MATR3: variants seen among roughly 807,000 people sequenced by gnomAD.
MATR3 encodes the protein matrin-3.
Under a neutral mutation model 85.5 loss-of-function variants are expected in MATR3, and 4 were observed. The ratio of observed to expected loss-of-function variants is 0.05; its 90% confidence interval spans 0.02 to 0.11. The LOEUF is 0.11. MATR3 is among the 10% of genes least tolerant of loss of function. The pLI, the probability that MATR3 is intolerant of heterozygous loss-of-function variation, is 1.00. For missense variants in MATR3, 685 were observed against 1,016.1 expected, an observed-to-expected ratio of 0.67 and a Z score of 4.43; for synonymous variants, 336 against 343.1, an observed-to-expected ratio of 0.98 and a Z score of 0.23.
At chr5:139,306,728 A>G (rs368992968) in intron 1 of MATR3, among the ~76,000 whole-genome samples, 2 of 152,198 alleles carry the variant, frequency 1.3e-5, no homozygotes, top group South Asian at 2.1e-4. Context: ...TTGGTCTTAT[A>G]TCTTACATTA....
chr5:139,294,064 A>G (rs1002611271), intron 1 of MATR3: 17 of 1,255,798 alleles, frequency 1.4e-5, no homozygotes, highest in Non-Finnish European at 1.6e-5. Context: ...CGGCCGGCCA[A>G]GGGCCCAGGG....
intron 1 of MATR3, among the ~76,000 whole-genome samples, chr5:139,302,209 C>G (rs552807462): frequency 6.6e-6 from 1 of 152,050 alleles, no homozygotes; most frequent in Non-Finnish European, 1.5e-5. Context: ...GTAATCTGCC[C>G]GCCTCGGCCT....
At chr5:139,315,592 T>C (rs1271349516) in intron 3 of MATR3, 105 bp from the exon 4 acceptor site, 7 of 763,234 alleles carry the variant, frequency 9.2e-6, no homozygotes, top group Non-Finnish European at 1.7e-5. Flanking sequence ...ACTTAGACTC[T>C]CAGATAACTT....
At chr5:139,310,586 T>A (rs1754918783) in intron 2 of MATR3, 1 of 152,168 alleles carries the variant, frequency 6.6e-6, no homozygotes, top group Non-Finnish European at 1.5e-5. Context: ...TCTCTGGTAT[T>A]GCTGCATAAC....
intron 3 of MATR3, among the ~76,000 whole-genome samples, chr5:139,288,311 C>T (rs1753771533): frequency 6.6e-6 from 1 of 152,202 alleles, no homozygotes; most frequent in African/African-American, 2.4e-5. Context: ...TTGAATCTCC[C>T]ACATCATCAC....
rs747456128 is a variant in MATR3 at position 139,325,529 on chromosome 5, A to G, written c.2238A>G (p.Glu746=). The part of the protein sequence containing the change: ...KNEENTEPGA[E]SSENADDPNK... ...AGGAAAACACAGAACCAGGTGCTGA[A>G]TCTTCTGAGAACGCTGATGATCCCA... The change falls in exon 13 of 15, where the codon GAA becomes GAG. Residue 746 remains glutamate, a synonymous_variant. Transcript: ENST00000394805. 7.4e-6 allele frequency: 12 copies of G among 1,614,120 alleles called. No homozygotes were observed. The highest frequency in any genetic ancestry group is 8.5e-6 in the Non-Finnish European group (10 of 1,180,040).
chr5:139,296,477 C>A (rs1331518975), intron 1 of MATR3, among the ~76,000 whole-genome samples: 2 of 152,134 alleles, frequency 1.3e-5, no homozygotes, highest in East Asian at 3.8e-4. Flanking sequence ...CGAGAAATAA[C>A]ATCAACTTTT....
chr5:139,324,374 A>C (rs749180038), intron 12 of MATR3, among the ~76,000 whole-genome samples: 2 of 149,362 alleles, frequency 1.3e-5, no homozygotes, highest in African/African-American at 4.9e-5. Flanking sequence ...GCTAACTGCA[A>C]CCTCCACCTC....
intron 3 of MATR3, among the ~76,000 whole-genome samples, chr5:139,288,324 A>T (rs1484740148): frequency 6.6e-6 from 1 of 152,138 alleles, no homozygotes; most frequent in Non-Finnish European, 1.5e-5. Flanking sequence ...ATCATCACTA[A>T]GTTCCTCAAT....
At chr5:139,326,864 ATTG>A (rs1234963180) in intron 14 of MATR3, among the ~76,000 whole-genome samples, 1 of 152,222 alleles carries the variant, frequency 6.6e-6, no homozygotes. Flanking sequence ...GTATTCTCAG[ATTG>A]TTGTTGGGCT....
chr5:139,321,900 T>C lies in MATR3; in HGVS notation c.1605T>C (p.Ala535=). The C allele has an allele frequency of 6.2e-7, 1 of 1,613,364 alleles. No homozygotes were observed. Among genetic ancestry groups the C allele is most frequent in the Non-Finnish European group, 8.5e-7 (1 of 1,179,916 alleles). ...GGTTTCTTTTCTTTCTTTTTAAGGC[T>C]TTTATTGAGATGGAGACAAGAGAAG... is the stretch of plus-strand genomic sequence containing the variant. ...NYILMRMKSQ[A]FIEMETREDA... is the part of the protein sequence containing the mutation. The change falls in exon 10 of 15, where the codon GCT becomes GCC. Residue 535 remains alanine (A), a splice_region_variant and synonymous_variant. Coordinates refer to ENST00000394805, the MANE Select transcript of MATR3 (RefSeq NM_018834.6).
At chr5:139,322,547 C>G (rs1412641068) in intron 11 of MATR3, 41 bp downstream of exon 11, 7 of 1,567,508 alleles carry the variant, frequency 4.5e-6, no homozygotes, top group Non-Finnish European at 6.1e-6. Context: ...GTATATTCAA[C>G]TTTACTTTTT....
chr5:139,276,077 C>G, intron 1 of MATR3: 1 of 456,766 alleles, frequency 2.2e-6, no homozygotes, highest in Non-Finnish European at 4.4e-6. Flanking sequence ...GAGCTGCACA[C>G]GTGTTCACTG....
chr5:139,323,070 C>A, intron 12 of MATR3, 103 bp downstream of exon 12: 1 of 1,166,650 alleles, frequency 8.6e-7, no homozygotes, highest in Non-Finnish European at 1.2e-6. Context: ...TGATTTAAAT[C>A]AGAAAATAAA....
chr5:139,326,003 G>A (rs2152023781), intron 13 of MATR3, among the ~76,000 whole-genome samples, 160 bp from the exon 14 acceptor site: 1 of 152,150 alleles, frequency 6.6e-6, no homozygotes, highest in East Asian at 1.9e-4. Flanking sequence ...ACATCAATTA[G>A]GTAAAAGCAA....
At position 139,279,130 on chromosome 5, in the gene MATR3, G is replaced by A. The variant is rs747619505; in HGVS notation, c.-178+1G>A. On this transcript the variant is annotated splice_donor_variant, in intron 3 of 16. Coordinates refer to ENST00000509990, the Ensembl canonical transcript of MATR3. LOFTEE classifies it low-confidence loss of function (5UTR_SPLICE). ...CCTGTGTGACACCAAGATAAGTAAC[G>A]TATGTAGTCTTCTTGTCATGTAGGT... 7 of 454,308 alleles carry A rather than the reference G, an allele frequency of 1.5e-5. No homozygotes were observed. Among genetic ancestry groups the A allele is most frequent in the Non-Finnish European group, 2.6e-5 (6 of 226,848 alleles). 28.1% of individuals were successfully genotyped at this position (454,308 alleles called of 1,614,324 possible).
intron 1 of MATR3, among the ~76,000 whole-genome samples, chr5:139,302,770 C>G (rs1252162896): frequency 6.6e-6 from 1 of 152,150 alleles, no homozygotes; most frequent in Non-Finnish European, 1.5e-5. Context: ...TTGTTGATTG[C>G]TACCTAAAAC....
At chr5:139,302,074 CTTT>C (rs532725180) in intron 1 of MATR3, among the ~76,000 whole-genome samples, 2 of 152,276 alleles carry the variant, frequency 1.3e-5, no homozygotes, top group South Asian at 4.1e-4. Flanking sequence ...TGGCACTACA[CTTT>C]TTTATCTTTT....
At position 139,319,339 on chromosome 5, in the gene MATR3, T is replaced by C; in HGVS notation, c.1440T>C (p.Pro480=). The C allele has an allele frequency of 6.2e-7, 1 of 1,614,126 alleles. No homozygotes were observed. The highest frequency in any genetic ancestry group is 8.5e-7 in the Non-Finnish European group (1 of 1,180,006). ...GTTGTTGTTATTTATTAAAGAAACC[T>C]GAAGGAAAGCCAGATCAGAAGTTTG... ...LSQKYKRIKK[P]EGKPDQKFDQ... is the part of the protein sequence containing the mutation. The change falls in exon 9 of 15, where the codon CCT becomes CCC. Residue 480 remains proline (P), a synonymous_variant. Coordinates refer to ENST00000394805, the MANE Select transcript of MATR3 (RefSeq NM_018834.6).
Sources: gnomAD v4.1 joint callset for allele counts (sites outside exome capture counted in the v4.1 genomes callset) on GRCh38, gnomAD v4.1.1 for gene constraint, MANE v1.5 for transcripts, NCBI Gene and HGNC (gene_info 2026-07-23, HGNC 2026-07-21) for gene names.